The following C3orf20 variants were observed in gnomAD, a reference collection of about 807,000 sequenced individuals.
C3orf20 encodes the protein uncharacterized protein C3orf20.
In C3orf20, 76 loss-of-function variants were observed where a neutral mutation model predicts 88.3. The ratio of observed to expected loss-of-function variants is 0.86; its 90% CI spans 0.72 to 1.04. The LOEUF is 1.04. C3orf20 is among the 50% of genes least tolerant of loss of function. The probability of loss-of-function intolerance (pLI) is 0.00; values close to 1 mark genes in which losing one functional copy is unlikely to be tolerated. For synonymous variants in C3orf20, 436 were observed against 437.4 expected, an observed-to-expected ratio of 1.00 and a Z score of 0.04; for missense variants, 1,056 against 1,123.3, an observed-to-expected ratio of 0.94 and a Z score of 0.86.
chr3:14,737,242 C>T (rs895290592), intron 12 of C3orf20, among the ~76,000 whole-genome samples: 1 of 151,342 alleles, frequency 6.6e-6, no homozygotes, highest in Non-Finnish European at 1.5e-5. Flanking sequence ...CTCTTTTTCC[C>T]CCTCCCTTCC....
In C3orf20 at chr3:14,710,381, T is replaced by C. The variant is rs77306399; in HGVS notation, c.1161-3626T>C. ...TGATTCTTTATTGCTTTCTTCCATC[T>C]GCTAGCTTTGCTTTAGTTTGCCCTT... On this transcript the variant is annotated intron_variant, in intron 7 of 16. Coordinates refer to ENST00000253697, the MANE Select transcript of C3orf20 (RefSeq NM_032137.5). Among the ~76,000 whole-genome samples, 328 of 152,266 alleles carry C rather than the reference T, an allele frequency of 2.2e-3. 1 individual carries two copies. The highest frequency in any genetic ancestry group is 7.6e-3 in the African/African-American group (315 of 41,578).
chr3:14,690,502 A>G (rs546284607), intron 5 of C3orf20, among the ~76,000 whole-genome samples: 1 of 152,352 alleles, frequency 6.6e-6, no homozygotes, highest in Non-Finnish European at 1.5e-5. Flanking sequence ...TAGTATCTGA[A>G]GAGAGGTATT....
intron 15 of C3orf20, among the ~76,000 whole-genome samples, chr3:14,767,824 C>G (rs2035757616): frequency 6.6e-6 from 1 of 152,250 alleles, no homozygotes; most frequent in African/African-American, 2.4e-5. Context: ...CAGCAGAGCA[C>G]TCCGTAAGCT....
chr3:14,754,484 T>C (rs994982130), intron 12 of C3orf20, among the ~76,000 whole-genome samples: 2 of 152,218 alleles, frequency 1.3e-5, no homozygotes, highest in African/African-American at 4.8e-5. Context: ...GGGAGTAAGC[T>C]TAAAATGCTA....
At chr3:14,680,049 C>A (rs1466250246) in intron 1 of C3orf20, among the ~76,000 whole-genome samples, 1 of 152,124 alleles carries the variant, frequency 6.6e-6, no homozygotes, top group Non-Finnish European at 1.5e-5. Flanking sequence ...TTAGAATTCT[C>A]AAAACGCCAC....
chr3:14,688,551 AAAAAG>A (rs996119178), intron 4 of C3orf20, among the ~76,000 whole-genome samples: 1 of 151,564 alleles, frequency 6.6e-6, no homozygotes, highest in Non-Finnish European at 1.5e-5. Flanking sequence ...AAAAAAGAAA[AAAAAG>A]AAAAGAAAAA....
intron 9 of C3orf20, among the ~76,000 whole-genome samples, chr3:14,721,305 A>G (rs1338741368): frequency 6.6e-6 from 1 of 152,236 alleles, no homozygotes; most frequent in African/African-American, 2.4e-5. Flanking sequence ...ATTCAGGGAT[A>G]AAGGGTTACC....
chr3:14,735,519 G>A (rs866965444), intron 12 of C3orf20, among the ~76,000 whole-genome samples: 4 of 151,766 alleles, frequency 2.6e-5, no homozygotes, highest in Admixed American at 2.0e-4. Flanking sequence ...TCCATTTACC[G>A]CTTGTTTTGC....
intron 5 of C3orf20, among the ~76,000 whole-genome samples, chr3:14,698,969 C>T (rs2033130916): frequency 6.6e-6 from 1 of 152,160 alleles, no homozygotes; most frequent in South Asian, 2.1e-4. Context: ...TGTGGCTGAG[C>T]TGGCACTCAA....
At chr3:14,708,632 TTTG>T (rs559283768) in intron 7 of C3orf20, among the ~76,000 whole-genome samples, 12 of 151,584 alleles carry the variant, frequency 7.9e-5, no homozygotes, top group East Asian at 3.9e-4. Context: ...CCATTAACAG[TTTG>T]TTGTTGTTGT....
chr3:14,761,650 C>T, intron 15 of C3orf20, 35 bp downstream of exon 15: 1 of 1,532,914 alleles, frequency 6.5e-7, no homozygotes, highest in Non-Finnish European at 8.8e-7. Context: ...AGGGATGGGC[C>T]TGGGGAGGTA....
At chr3:14,691,859 C>A (rs1377935798) in intron 5 of C3orf20, among the ~76,000 whole-genome samples, 4 of 152,208 alleles carry the variant, frequency 2.6e-5, no homozygotes, top group African/African-American at 9.6e-5. Context: ...CTTATTCATT[C>A]TTACTGTTTT....
At chr3:14,763,476 T>C (rs976950685) in intron 15 of C3orf20, among the ~76,000 whole-genome samples, 1 of 152,128 alleles carries the variant, frequency 6.6e-6, no homozygotes, top group Non-Finnish European at 1.5e-5. Context: ...CTGACTGCCT[T>C]ACCTCCCAAA....
At chr3:14,678,992 A>G (rs966918047) in intron 1 of C3orf20, among the ~76,000 whole-genome samples, 1 of 152,142 alleles carries the variant, frequency 6.6e-6, no homozygotes, top group African/African-American at 2.4e-5. Context: ...ATCCCCCCAC[A>G]TCCCAGACAT....
chr3:14,747,645 C>T (rs1020453879), intron 12 of C3orf20, among the ~76,000 whole-genome samples: 69 of 152,122 alleles, frequency 4.5e-4, no homozygotes, highest in African/African-American at 1.6e-3. Flanking sequence ...TCTCTTCAGT[C>T]ATCCCACTTT....
At chr3:14,745,709 G>A (rs548920643) in intron 12 of C3orf20, among the ~76,000 whole-genome samples, 5 of 152,178 alleles carry the variant, frequency 3.3e-5, no homozygotes, top group Non-Finnish European at 7.3e-5. Context: ...ATCACCATAA[G>A]ATTATACCAA....
rs759435347 is a variant in C3orf20 at position 14,761,572 on chromosome 3, G to T, written c.2452G>T (p.Asp818Tyr). ...GAAACAGATCTTCCGGTCTCAACAGGATTACAAGATGGGCTACTTCCTGCC... is the reference window on the plus strand; with the variant it reads ...GAAACAGATCTTCCGGTCTCAACAGTATTACAAGATGGGCTACTTCCTGCC... ...LLKQIFRSQQ[D>Y]YKMGYFLPDD... The change falls in exon 15 of 17, where the codon GAT (aspartate) becomes TAT (tyrosine). Residue 818 changes from aspartate to tyrosine, a missense_variant. Physicochemically the swap from Asp to Tyr is radical, Grantham distance 160. Coordinates refer to ENST00000253697, the MANE Select transcript of C3orf20 (RefSeq NM_032137.5). 21 of 1,614,002 alleles carry T rather than the reference G, an allele frequency of 1.3e-5. No homozygotes were observed. The East Asian group carries it at 4.7e-4, about 36-fold the overall frequency.
At chr3:14,692,283 G>T (rs9841491) in intron 5 of C3orf20, among the ~76,000 whole-genome samples, 1 of 152,038 alleles carries the variant, frequency 6.6e-6, no homozygotes, top group Non-Finnish European at 1.5e-5. Context: ...TTGCTGGATC[G>T]CATAGTAGCT....
chr3:14,695,596 A>G (rs1023905257), intron 5 of C3orf20, among the ~76,000 whole-genome samples: 6 of 152,036 alleles, frequency 3.9e-5, no homozygotes, highest in Admixed American at 2.6e-4. Flanking sequence ...GGGTGTTGCT[A>G]TCTCCAGCTA....
Sources: gnomAD v4.1 joint callset for allele counts (sites outside exome capture counted in the v4.1 genomes callset) on GRCh38, gnomAD v4.1.1 for gene constraint, MANE v1.5 for transcripts, NCBI Gene and HGNC (gene_info 2026-07-23, HGNC 2026-07-21) for gene names.